The following MYCBP2 variants were observed in gnomAD, a reference collection of about 807,000 sequenced individuals.
MYCBP2 encodes MYC binding protein 2.
In MYCBP2, 120 loss-of-function variants were observed where a neutral mutation model predicts 525.3. The ratio of observed to expected loss-of-function variants is 0.23; its 90% confidence interval spans 0.20 to 0.27. MYCBP2 has a LOEUF of 0.27. MYCBP2 is among the 10% of genes least tolerant of loss of function. The pLI is 1.00. For missense variants in MYCBP2, 4,149 were observed against 5,657.1 expected (o/e 0.73, Z 8.55); for synonymous variants, 1,894 against 1,955.8 (o/e 0.97, Z 0.83).
intron 35 of MYCBP2, among the ~76,000 whole-genome samples, chr13:77,177,334 C>CTTTTT (rs748460042): frequency 5.1e-4 from 63 of 122,874 alleles, no homozygotes; most frequent in Admixed American, 6.6e-4. Context: ...TCTTTTCTTT[C>CTTTTT]TTTTTTTTTT....
At chr13:77,140,675 T>A (rs1431997096) in intron 50 of MYCBP2, among the ~76,000 whole-genome samples, 171 bp downstream of exon 50, 1 of 152,226 alleles carries the variant, frequency 6.6e-6, no homozygotes, top group Non-Finnish European at 1.5e-5. Flanking sequence ...GAAGTACACA[T>A]GCTACAACTT....
intron 52 of MYCBP2, among the ~76,000 whole-genome samples, chr13:77,138,979 TCCTG>T (rs2054178635): frequency 6.6e-6 from 1 of 152,196 alleles, no homozygotes; most frequent in South Asian, 2.1e-4. Context: ...ATTTACTACT[TCCTG>T]CCTATCTGTG....
chr13:77,217,831 ATTCC>A lies in MYCBP2; in HGVS notation c.3057+5_3057+8del. Reference sequence around the variant, plus strand: ...ATGCAATATTATTAATGTTTTAAAAATTCCTTACAGAAAAACTTCCAAATGTGAA... The same window carrying A: ...ATGCAATATTATTAATGTTTTAAAAATTACAGAAAAACTTCCAAATGTGAA... On this transcript the variant is annotated splice_donor_5th_base_variant and intron_variant, in intron 21 of 82. Coordinates refer to ENST00000544440, the MANE Select transcript of MYCBP2 (RefSeq NM_015057.5). 1 of 1,565,164 alleles carries A rather than the reference ATTCC, an allele frequency of 6.4e-7. No individual in the cohort carries two copies. Among genetic ancestry groups the A allele is most frequent in the Non-Finnish European group, 8.7e-7 (1 of 1,144,536 alleles).
At chr13:77,072,290 CAAAAAAAAAGAAAAAAAA>C (rs1166415993) in intron 68 of MYCBP2, among the ~76,000 whole-genome samples, 6 of 77,112 alleles carry the variant, frequency 7.8e-5, no homozygotes, top group Admixed American at 1.5e-4. Flanking sequence ...GACTCCATTT[CAAAAAAAAAGAAAAAAAA>C]AAAAAAAAAG....
At chr13:77,086,570 G>C (rs193076959) in intron 62 of MYCBP2, among the ~76,000 whole-genome samples, 3 of 152,052 alleles carry the variant, frequency 2.0e-5, no homozygotes, top group South Asian at 2.1e-4. Context: ...GAAACTCCAA[G>C]TAGGTAAGTT....
intron 73 of MYCBP2, among the ~76,000 whole-genome samples, chr13:77,063,604 TAA>T (rs1361655798): frequency 2.0e-4 from 30 of 148,344 alleles, no homozygotes; most frequent in African/African-American, 6.9e-4. Context: ...CAGAAATAGT[TAA>T]AAATTTCTGA....
chr13:77,308,279 G>T (rs1269160140), intron 1 of MYCBP2, among the ~76,000 whole-genome samples: 1 of 152,128 alleles, frequency 6.6e-6, no homozygotes. Flanking sequence ...CACCCACCTT[G>T]AAATGATCTC....
chr13:77,206,925 G>C, intron 23 of MYCBP2, 100 bp from the exon 24 acceptor site: 1 of 1,081,392 alleles, frequency 9.2e-7, no homozygotes, highest in Non-Finnish European at 1.3e-6. Flanking sequence ...AAATAATATA[G>C]TCAGCTTAAA....
intron 68 of MYCBP2, chr13:77,075,675 G>A (rs535609264): frequency 6.6e-6 from 1 of 151,470 alleles, no homozygotes; most frequent in South Asian, 2.1e-4. Context: ...ATTTCTTTTT[G>A]GGGGGGGTGA....
rs760100700 is a variant in MYCBP2 at position 77,099,071 on chromosome 13, T to C, written c.8141-58A>G. ...ATAAAATTATAACTTACTGATAATT[T>C]AGCCACTAAACACTGAAATAAAAAA... On this transcript the variant is annotated intron_variant, in intron 55 of 82. Coordinates refer to ENST00000544440, the MANE Select transcript of MYCBP2 (RefSeq NM_015057.5). 3.2e-5 allele frequency: 51 copies of C among 1,578,336 alleles called. No homozygotes were observed. The South Asian group carries it at 4.7e-4, about 15-fold the overall frequency.
At chr13:77,171,987 G>A (rs964956814) in intron 37 of MYCBP2, among the ~76,000 whole-genome samples, 3 of 152,026 alleles carry the variant, frequency 2.0e-5, no homozygotes, top group African/African-American at 4.8e-5. Flanking sequence ...TGCAACCTCC[G>A]CCTCCCAGGT....
intron 46 of MYCBP2, among the ~76,000 whole-genome samples, chr13:77,152,678 T>G (rs1011986171): frequency 3.3e-5 from 5 of 152,146 alleles, no homozygotes; most frequent in African/African-American, 4.8e-5. Flanking sequence ...GGAGCATGGC[T>G]GGAGACGGCT....
intron 26 of MYCBP2, among the ~76,000 whole-genome samples, chr13:77,194,699 C>G (rs1595315841): frequency 1.3e-5 from 2 of 152,152 alleles, no homozygotes; most frequent in Admixed American, 1.3e-4. Flanking sequence ...TGGATACTAA[C>G]AGTTCCCATC....
intron 26 of MYCBP2, among the ~76,000 whole-genome samples, chr13:77,196,882 G>A (rs1054850311): frequency 1.3e-5 from 2 of 152,218 alleles, no homozygotes; most frequent in African/African-American, 4.8e-5. Context: ...TGTCCATGAG[G>A]CTGGACCACT....
intron 1 of MYCBP2, among the ~76,000 whole-genome samples, chr13:77,307,463 TA>T (rs796137312): frequency 0.014 from 1,974 of 141,836 alleles, 30 homozygotes; most frequent in African/African-American, 0.044. Context: ...CCGTCTCTAT[TA>T]AAAAAAAAAA....
At chr13:77,087,740 A>G in intron 61 of MYCBP2, 107 bp from the exon 62 acceptor site, 1 of 978,866 alleles carries the variant, frequency 1.0e-6, no homozygotes, top group Non-Finnish European at 1.5e-6. Context: ...AAGATACTAG[A>G]AAATCTTTTT....
intron 15 of MYCBP2, among the ~76,000 whole-genome samples, chr13:77,248,683 C>T (rs1271441071): frequency 6.6e-6 from 1 of 151,826 alleles, no homozygotes; most frequent in African/African-American, 2.4e-5. Flanking sequence ...AAATGGTTGG[C>T]CGCTGTGAAA....
chr13:77,091,098 A>G (rs769639056), intron 59 of MYCBP2, among the ~76,000 whole-genome samples: 2 of 152,116 alleles, frequency 1.3e-5, no homozygotes, highest in Non-Finnish European at 2.9e-5. Flanking sequence ...CATTCAAGCC[A>G]GGTTTGAAAT....
intron 18 of MYCBP2, among the ~76,000 whole-genome samples, chr13:77,230,868 C>A (rs2067030118): frequency 6.6e-6 from 1 of 152,176 alleles, no homozygotes; most frequent in African/African-American, 2.4e-5. Context: ...GTGGAATTTC[C>A]CACTTGGGGG....
Sources: gnomAD v4.1 joint callset for allele counts (sites outside exome capture counted in the v4.1 genomes callset) on GRCh38, gnomAD v4.1.1 for gene constraint, MANE v1.5 for transcripts, NCBI Gene and HGNC (gene_info 2026-07-23, HGNC 2026-07-21) for gene names.